HMBOX1: variants seen among roughly 807,000 people sequenced by gnomAD.
HMBOX1 encodes homeobox containing 1.
In HMBOX1, 14 loss-of-function variants were observed where a neutral mutation model predicts 54.5. That is an observed-to-expected ratio of 0.26 (90% CI 0.17 to 0.40). The LOEUF (loss-of-function observed/expected upper bound fraction) is 0.40, where lower values mean the gene tolerates loss of function less well. HMBOX1 is among the 10% of genes least tolerant of loss of function. The pLI is 1.00. For synonymous variants in HMBOX1, 160 were observed against 181.0 expected, an observed-to-expected ratio of 0.88 and a Z score of 0.93; for missense variants, 332 against 514.4, an observed-to-expected ratio of 0.65 and a Z score of 3.43.
At position 28,970,454 on chromosome 8, in the gene HMBOX1, G is replaced by T. The variant is rs1827193054; in HGVS notation, c.435G>T (p.Arg145Ser). The change falls in exon 3 of 10, where the codon AGG becomes AGT. Residue 145 changes from arginine (R) to serine (S), a missense_variant. Around this residue, in one of 4 missense-constraint regions of HMBOX1, gnomAD observed 117 missense variants for 220.0 expected, o/e 0.53. Transcript: ENST00000287701. This position sits in a 1 kb window ranked among gnomAD's most constrained non-coding sequence, Gnocchi z 4.3. Reference protein sequence around the residue: ...TRYHANSMGQRSYSFEASEED... With the variant: ...TRYHANSMGQSSYSFEASEED... ...ACCATGCAAACAGCATGGGTCAGAGGTCATACAGTTTTGAAGCCTCAGAAG... is the reference window on the plus strand; with the variant it reads ...ACCATGCAAACAGCATGGGTCAGAGTTCATACAGTTTTGAAGCCTCAGAAG... 6.2e-7 allele frequency: 1 copy of T among 1,613,874 alleles called. No homozygotes were observed. The highest frequency in any genetic ancestry group is 2.2e-5 in the East Asian group (1 of 44,886).
At chr8:29,009,544 T>A in intron 5 of HMBOX1, 1 of 565,102 alleles carries the variant, frequency 1.8e-6, no homozygotes, top group Non-Finnish European at 2.1e-6. Flanking sequence ...TTTTTTTTTT[T>A]GCAAATCTTG....
At chr8:29,050,172 T>C in intron 9 of HMBOX1, 1 of 938,298 alleles carries the variant, frequency 1.1e-6, no homozygotes, top group Non-Finnish European at 1.3e-6. Flanking sequence ...GGGCAGCACA[T>C]TCCATGTTTT....
chr8:28,956,228 T>A (rs1004239728), intron 1 of HMBOX1, among the ~76,000 whole-genome samples: 1 of 152,250 alleles, frequency 6.6e-6, no homozygotes, highest in Middle Eastern at 3.4e-3. Flanking sequence ...TTCCTTGACT[T>A]CTAGTGCATT....
At chr8:29,008,404 A>G (rs1359922373) in intron 4 of HMBOX1, among the ~76,000 whole-genome samples, 3 of 152,178 alleles carry the variant, frequency 2.0e-5, no homozygotes, top group Non-Finnish European at 2.9e-5. Context: ...TATTCTGTTC[A>G]GTTTTGTGGA....
At chr8:28,940,707 C>A (rs539589312) in intron 1 of HMBOX1, among the ~76,000 whole-genome samples, 3 of 152,144 alleles carry the variant, frequency 2.0e-5, no homozygotes, top group Admixed American at 1.3e-4. Flanking sequence ...CCAACTGATA[C>A]GTAATTTATC....
chr8:29,032,947 A>G (rs555683938), intron 6 of HMBOX1, among the ~76,000 whole-genome samples: 3 of 152,318 alleles, frequency 2.0e-5, no homozygotes, highest in Non-Finnish European at 4.4e-5. Flanking sequence ...AAAGATTTAA[A>G]GTGATCCAAT....
At chr8:29,023,216 T>G (rs913893464) in intron 6 of HMBOX1, among the ~76,000 whole-genome samples, 5 of 152,054 alleles carry the variant, frequency 3.3e-5, no homozygotes, top group African/African-American at 1.2e-4. Context: ...AAATATAAAA[T>G]CAAAAGATTT....
At chr8:29,041,667 A>G (rs1273968329) in intron 6 of HMBOX1, among the ~76,000 whole-genome samples, 3 of 152,158 alleles carry the variant, frequency 2.0e-5, no homozygotes, top group African/African-American at 7.2e-5. Context: ...TGAAAGATGG[A>G]TAAGATTTGC....
At chr8:28,918,436 CT>C (rs1383616706) in intron 1 of HMBOX1, among the ~76,000 whole-genome samples, 1 of 151,820 alleles carries the variant, frequency 6.6e-6, no homozygotes, top group East Asian at 1.9e-4. Flanking sequence ...ATCTCCTGAC[CT>C]TGTGATCCGC....
intron 6 of HMBOX1, among the ~76,000 whole-genome samples, chr8:29,021,499 A>G (rs931855412): frequency 2.6e-5 from 4 of 152,310 alleles, no homozygotes; most frequent in African/African-American, 9.6e-5. Context: ...AAAGACCAAT[A>G]ACTCTATCTT....
At chr8:29,009,754 T>G (rs1202111421) in intron 5 of HMBOX1, 1 of 1,281,838 alleles carries the variant, frequency 7.8e-7, no homozygotes, top group Non-Finnish European at 1.0e-6. Flanking sequence ...TTAAGAAAAC[T>G]AAGATGACAA....
intron 1 of HMBOX1, among the ~76,000 whole-genome samples, chr8:28,893,991 T>C (rs951561056): frequency 6.6e-6 from 1 of 152,212 alleles, no homozygotes; most frequent in Non-Finnish European, 1.5e-5. Flanking sequence ...TAAGTGAAAG[T>C]TGGCATACCA....
In HMBOX1 at chr8:28,933,571, A is replaced by G. The variant is rs565822031; in HGVS notation, c.-57-30240A>G. ...ACCTCTAGGTAGACTGATCTACAAAAAAAGAAGAGGCACAAATTACCAATA... is the reference window on the plus strand; with the variant it reads ...ACCTCTAGGTAGACTGATCTACAAAGAAAGAAGAGGCACAAATTACCAATA... On this transcript the variant is annotated intron_variant, in intron 1 of 9. Coordinates refer to ENST00000287701, the MANE Select transcript of HMBOX1 (RefSeq NM_001135726.3). 5.1e-4 allele frequency among the ~76,000 whole-genome samples: 77 copies of G among 152,346 alleles called. 1 individual carries two copies. In the South Asian group the frequency reaches 0.015, roughly 29 times the overall value.
intron 1 of HMBOX1, among the ~76,000 whole-genome samples, chr8:28,938,337 T>C (rs1820746051): frequency 6.6e-6 from 1 of 152,196 alleles, no homozygotes. Flanking sequence ...TTTTCAGGTA[T>C]TATGGGAAGG....
chr8:28,975,365 A>T (rs1287298900), intron 3 of HMBOX1, among the ~76,000 whole-genome samples: 4 of 152,226 alleles, frequency 2.6e-5, no homozygotes, highest in Non-Finnish European at 5.9e-5. Context: ...TTTGAAGATC[A>T]GGGAGAACGT....
chr8:29,021,617 A>G (rs1198449361), intron 6 of HMBOX1, among the ~76,000 whole-genome samples: 1 of 152,066 alleles, frequency 6.6e-6, no homozygotes, highest in Non-Finnish European at 1.5e-5. Context: ...GCACTTTGGG[A>G]GGCCGAGGCG....
At chr8:28,930,099 A>G (rs1819229416) in intron 1 of HMBOX1, among the ~76,000 whole-genome samples, 1 of 152,066 alleles carries the variant, frequency 6.6e-6, no homozygotes, top group South Asian at 2.1e-4. Context: ...TGTCTTTGGA[A>G]TGAGTGACAG....
chr8:28,953,640 T>G (rs1426978338), intron 1 of HMBOX1, among the ~76,000 whole-genome samples: 1 of 152,128 alleles, frequency 6.6e-6, no homozygotes, highest in African/African-American at 2.4e-5. Flanking sequence ...CTAGTCTGGA[T>G]TTGGAAATCA....
chr8:28,945,269 A>G (rs1034881428), intron 1 of HMBOX1, among the ~76,000 whole-genome samples: 59 of 152,346 alleles, frequency 3.9e-4, no homozygotes, highest in African/African-American at 1.3e-3. Flanking sequence ...ATTGTCCACA[A>G]TTTACAGAAG....
Sources: allele counts gnomAD v4.1 joint callset (sites outside exome capture counted in the v4.1 genomes callset), GRCh38; gene constraint gnomAD v4.1.1; regional missense constraint gnomAD v4.1.1; non-coding constraint Gnocchi (gnomAD v3.1); transcripts MANE v1.5; gene names NCBI Gene and HGNC (gene_info 2026-07-23, HGNC 2026-07-21).